The following MDGA2 variants were observed in gnomAD, a reference collection of about 807,000 sequenced individuals.
MDGA2 encodes MAM domain-containing glycosylphosphatidylinositol anchor protein 2.
Under a neutral mutation model 117.8 loss-of-function variants are expected in MDGA2, and 40 were observed. That is an observed-to-expected ratio of 0.34 (90% CI 0.26 to 0.44). The LOEUF (loss-of-function observed/expected upper bound fraction) is 0.44. MDGA2 is among the 20% of genes least tolerant of loss of function. The pLI is 1.00. For synonymous variants in MDGA2, 452 were observed against 439.0 expected (o/e 1.03, Z -0.37); for missense variants, 1,123 against 1,250.6 (o/e 0.90, Z 1.54).
intron 10 of MDGA2, among the ~76,000 whole-genome samples, chr14:46,919,739 T>A (rs1321710672): frequency 2.6e-5 from 4 of 152,158 alleles, no homozygotes; most frequent in Non-Finnish European, 4.4e-5. Context: ...TATCTAGTGA[T>A]GAAGGATTTT....
At chr14:47,316,667 G>A (rs1408251961) in intron 1 of MDGA2, among the ~76,000 whole-genome samples, 3 of 152,002 alleles carry the variant, frequency 2.0e-5, no homozygotes, top group Non-Finnish European at 4.4e-5. Flanking sequence ...TCAATCACTA[G>A]AATCAGCATT....
chr14:46,931,988 C>A (rs977217772), intron 9 of MDGA2, among the ~76,000 whole-genome samples: 3 of 151,592 alleles, frequency 2.0e-5, no homozygotes, highest in Non-Finnish European at 4.4e-5. Flanking sequence ...TAATATAGAG[C>A]AAAATGGAAT....
At chr14:47,399,440 C>T (rs886894909) in intron 1 of MDGA2, among the ~76,000 whole-genome samples, 2 of 152,162 alleles carry the variant, frequency 1.3e-5, no homozygotes, top group Non-Finnish European at 2.9e-5. Context: ...TGTCCAACAT[C>T]TGCTTCTGTA....
intron 3 of MDGA2, among the ~76,000 whole-genome samples, chr14:47,186,148 T>C (rs537474662): frequency 7.2e-5 from 11 of 151,778 alleles, no homozygotes; most frequent in African/African-American, 2.6e-4. Context: ...ATAGAATTAT[T>C]TTATTGAAGT....
At chr14:47,324,970 A>G (rs894114947) in intron 1 of MDGA2, among the ~76,000 whole-genome samples, 3 of 152,144 alleles carry the variant, frequency 2.0e-5, no homozygotes, top group Non-Finnish European at 2.9e-5. Context: ...ATAGGCCCAT[A>G]TATCTGAATA....
rs1164378069 is a variant in MDGA2 at position 47,035,003 on chromosome 14, T to G, written c.1819+8A>C. On this transcript the variant is annotated splice_region_variant and intron_variant, in intron 8 of 16. Transcript: ENST00000399232. The stretch of plus-strand genomic sequence containing the variant: ...CATATGGAAATGCATAAAAGGGAAT[T>G]TACTTACACTGAACGATGAGCTGCA... 1 of 1,601,814 alleles carries G rather than the reference T, an allele frequency of 6.2e-7. No individual in the cohort carries two copies. Among genetic ancestry groups the G allele is most frequent in the Admixed American group, 1.7e-5 (1 of 59,170 alleles).
intron 5 of MDGA2, among the ~76,000 whole-genome samples, chr14:47,100,369 G>A (rs1368025133): frequency 1.3e-5 from 2 of 151,982 alleles, no homozygotes; most frequent in Non-Finnish European, 2.9e-5. Context: ...TATAAGACAT[G>A]AAGAAAGATA....
intron 6 of MDGA2, among the ~76,000 whole-genome samples, chr14:47,091,347 CT>C (rs1197077847): frequency 6.6e-6 from 1 of 152,192 alleles, no homozygotes; most frequent in East Asian, 1.9e-4. Flanking sequence ...TTCTTTACCC[CT>C]ATAGTCCTAT....
chr14:47,390,493 T>C (rs567132401), intron 1 of MDGA2, among the ~76,000 whole-genome samples: 6 of 152,218 alleles, frequency 3.9e-5, no homozygotes, highest in Non-Finnish European at 5.9e-5. Context: ...TATGACAATA[T>C]GCATGGTCAC....
chr14:47,375,360 TAA>T (rs763535566), intron 1 of MDGA2, among the ~76,000 whole-genome samples: 10 of 152,048 alleles, frequency 6.6e-5, no homozygotes, highest in Non-Finnish European at 1.2e-4. Context: ...CTTCACTCCT[TAA>T]AAATCTTCAA....
At chr14:47,409,473 C>T (rs1892327688) in intron 1 of MDGA2, among the ~76,000 whole-genome samples, 2 of 152,122 alleles carry the variant, frequency 1.3e-5, no homozygotes, top group Non-Finnish European at 1.5e-5. Context: ...TGTCTGAAAT[C>T]ATCTGTTTAC....
At chr14:47,283,403 A>T (rs964885408) in intron 2 of MDGA2, among the ~76,000 whole-genome samples, 2 of 152,240 alleles carry the variant, frequency 1.3e-5, no homozygotes, top group African/African-American at 4.8e-5. Context: ...AATAAAATTT[A>T]AAATTTTAAT....
intron 8 of MDGA2, among the ~76,000 whole-genome samples, chr14:47,014,223 T>C (rs1888002921): frequency 6.6e-6 from 1 of 152,168 alleles, no homozygotes; most frequent in Admixed American, 6.5e-5. Flanking sequence ...ATAGATGTGC[T>C]GCCATCCAAG....
At position 47,084,494 on chromosome 14, in the gene MDGA2, A is replaced by C. The variant is rs538128269; in HGVS notation, c.1195+12360T>G. On this transcript the variant is annotated intron_variant, in intron 6 of 16. Transcript: ENST00000399232. ...ACTTCAAGAAGCTAAAAAACAGCAAAAATTAAAAAAAAAAAAAAAACTGAC... is the reference window on the plus strand; with the variant it reads ...ACTTCAAGAAGCTAAAAAACAGCAACAATTAAAAAAAAAAAAAAAACTGAC... Among the ~76,000 whole-genome samples, 22 of 119,286 alleles carry C rather than the reference A, an allele frequency of 1.8e-4. No individual in the cohort carries two copies. The East Asian group carries it at 3.2e-3, about 17-fold the overall frequency. 78.3% of individuals were successfully genotyped at this position (119,286 alleles called of 152,430 possible).
At chr14:47,314,085 G>C (rs1034910502) in intron 1 of MDGA2, among the ~76,000 whole-genome samples, 1 of 152,146 alleles carries the variant, frequency 6.6e-6, no homozygotes, top group African/African-American at 2.4e-5. Flanking sequence ...TAGAGATTGA[G>C]TAAGCACTGT....
chr14:46,957,720 C>T, intron 8 of MDGA2, 77 bp from the exon 9 acceptor site: 1 of 1,504,820 alleles, frequency 6.6e-7, no homozygotes, highest in Non-Finnish European at 9.1e-7. Flanking sequence ...TAGAAGAAGC[C>T]ATTTGCAGTA....
chr14:47,374,980 G>C (rs1891444380), intron 1 of MDGA2, among the ~76,000 whole-genome samples: 1 of 151,788 alleles, frequency 6.6e-6, no homozygotes, highest in Admixed American at 6.6e-5. Context: ...TGTTATAGTG[G>C]TAAGAGCTTT....
chr14:46,981,171 A>AGGT (rs1555340286), intron 8 of MDGA2, among the ~76,000 whole-genome samples: 1 of 151,014 alleles, frequency 6.6e-6, no homozygotes, highest in South Asian at 2.1e-4. Flanking sequence ...TGGGAGGCCA[A>AGGT]GGGGGGGGCG....
intron 7 of MDGA2, among the ~76,000 whole-genome samples, chr14:47,044,135 C>T (rs984208398): frequency 7.9e-5 from 12 of 151,562 alleles, no homozygotes; most frequent in African/African-American, 2.9e-4. Context: ...ATCAAGGTTA[C>T]TAAGCAACCA....
Sources: gnomAD v4.1 joint callset for allele counts (sites outside exome capture counted in the v4.1 genomes callset) on GRCh38, gnomAD v4.1.1 for gene constraint, MANE v1.5 for transcripts, NCBI Gene and HGNC (gene_info 2026-07-23, HGNC 2026-07-21) for gene names.